Variants in RALGDS observed in about 807,000 individuals in gnomAD.
The protein encoded by RALGDS is ral guanine nucleotide dissociation stimulator, also known as ral guanine nucleotide exchange factor.
Under a neutral mutation model 99.8 loss-of-function variants are expected in RALGDS, and 44 were observed. The observed-to-expected ratio is 0.44, with a 90% confidence interval of 0.35 to 0.57. The LOEUF (loss-of-function observed/expected upper bound fraction) is 0.57. Among genes scored for constraint, RALGDS ranks in the 20% least tolerant of loss-of-function variants. RALGDS has a pLI of 0.01. For synonymous variants in RALGDS, 529 were observed against 505.0 expected (o/e 1.05, Z -0.64); for missense variants, 1,022 against 1,203.1 (o/e 0.85, Z 2.23).
At chr9:133,124,107 C>CAG (rs201225030), upstream of RALGDS, among the ~76,000 whole-genome samples, 119 of 112,492 alleles carry the variant, frequency 1.1e-3, 40 homozygotes, top group Admixed American at 1.7e-3. Flanking sequence ...GATGCACACA[C>CAG]AGACACACAC....
intron 1 of RALGDS, among the ~76,000 whole-genome samples, chr9:133,120,138 T>A (rs768757353): frequency 6.6e-6 from 1 of 152,094 alleles, no homozygotes; most frequent in Non-Finnish European, 1.5e-5. Flanking sequence ...CTCCCTCTGC[T>A]GTGTAGTCAG....
chr9:133,148,496 C>T (rs909219653), intron 1 of RALGDS, among the ~76,000 whole-genome samples: 2 of 152,192 alleles, frequency 1.3e-5, no homozygotes, highest in Non-Finnish European at 2.9e-5. Flanking sequence ...TCTTCTTTCC[C>T]CCAGTCACTT....
intron 9 of RALGDS, among the ~76,000 whole-genome samples, chr9:133,105,191 T>A (rs1301205671): frequency 2.0e-5 from 3 of 152,132 alleles, no homozygotes; most frequent in Non-Finnish European, 1.5e-5. Flanking sequence ...TGTAGGGAAC[T>A]CTGTGTGTGT....
In RALGDS at chr9:133,121,062, G is replaced by T; in HGVS notation, c.93C>A (p.Asp31Glu). ...GGACGCCCACCTCCAGGCGCACGGC[G>T]TCCCACACGCTGCGGCTCCGCCGGG... ...PGSRRSRSVW[D>E]AVRLEVGVPD... The change falls in exon 1 of 18, where the codon GAC (aspartate) becomes GAA (glutamate). Residue 31 changes from aspartate to glutamate, a missense_variant. Physicochemically the swap from Asp to Glu is conservative, Grantham distance 45. Transcript: ENST00000372050. The T allele has an allele frequency of 6.7e-7, 1 of 1,488,588 alleles. No homozygotes were observed. The highest frequency in any genetic ancestry group is 8.9e-7 in the Non-Finnish European group (1 of 1,125,736). 92.2% of individuals were successfully genotyped at this position (1,488,588 alleles called of 1,614,324 possible).
rs1484023324 is a variant in RALGDS, at chr9:133,129,519, G to A, written c.132+1433C>T. 3 of 1,190,124 alleles carry A rather than the reference G, an allele frequency of 2.5e-6. No homozygotes were observed. The East Asian group carries it at 9.3e-5, about 37-fold the overall frequency. The allele number at this position is 1,190,124 out of a possible 1,614,324, so 73.7% of individuals were successfully genotyped here. A position where few individuals can be genotyped will look rare whatever the true frequency, so the allele number is the denominator to read the frequency against. On this transcript the variant is annotated intron_variant, in intron 1 of 17. Transcript: ENST00000372062. ...GCCATGGGCCAGCCGAGGACGAGTG[G>A]AGAGGCTGCCCCAAGCTAGCCTAGC... is the stretch of plus-strand genomic sequence containing the variant.
At chr9:133,116,536 G>A (rs1831617178) in intron 1 of RALGDS, among the ~76,000 whole-genome samples, 2 of 152,254 alleles carry the variant, frequency 1.3e-5, no homozygotes, top group African/African-American at 2.4e-5. Flanking sequence ...CAGGGTCCCT[G>A]TCCACGCCCA....
chr9:133,136,657 C>T (rs1245083839), intron 1 of RALGDS, among the ~76,000 whole-genome samples: 1 of 152,198 alleles, frequency 6.6e-6, no homozygotes, highest in Non-Finnish European at 1.5e-5. Context: ...CCTGTAACCC[C>T]AGCTACTCGG....
At chr9:133,147,754 TTTG>T (rs2119282302) in intron 1 of RALGDS, among the ~76,000 whole-genome samples, 1 of 152,188 alleles carries the variant, frequency 6.6e-6, no homozygotes. Flanking sequence ...AACACACACC[TTTG>T]TTTGGGTGTT....
chr9:133,142,789 C>A (rs921066390), intron 1 of RALGDS, among the ~76,000 whole-genome samples: 1 of 152,224 alleles, frequency 6.6e-6, no homozygotes, highest in Non-Finnish European at 1.5e-5. Flanking sequence ...CCGCCATTAA[C>A]CACCACTTGG....
At chr9:133,130,896 A>C in intron 1 of RALGDS, 1 of 1,468,854 alleles carries the variant, frequency 6.8e-7, no homozygotes, top group Non-Finnish European at 9.2e-7. Flanking sequence ...CCCAACCCCA[A>C]AGCCCAGAGA....
intron 1 of RALGDS, among the ~76,000 whole-genome samples, chr9:133,117,269 TC>T (rs1270229063): frequency 1.3e-5 from 2 of 152,238 alleles, no homozygotes; most frequent in Non-Finnish European, 2.9e-5. Context: ...AGAGCTGGCA[TC>T]ATGTCCATTT....
chr9:133,104,188 G>A (rs1414389507), intron 10 of RALGDS, 75 bp downstream of exon 10: 2 of 1,464,604 alleles, frequency 1.4e-6, no homozygotes, highest in African/African-American at 1.4e-5. Context: ...TAGGCACCGT[G>A]GCTAGAGAGG....
intron 1 of RALGDS, among the ~76,000 whole-genome samples, chr9:133,143,776 AC>A (rs1231043193): frequency 1.9e-5 from 2 of 103,216 alleles, no homozygotes; most frequent in South Asian, 3.0e-4. Context: ...AATAATAACA[AC>A]AACAACAACA....
At chr9:133,106,255 GAC>G (rs1831048679) in intron 8 of RALGDS, among the ~76,000 whole-genome samples, 1 of 151,870 alleles carries the variant, frequency 6.6e-6, no homozygotes, top group South Asian at 2.1e-4. Context: ...TTTTTTTGGA[GAC>G]AGTTTCAGTC....
In RALGDS at chr9:133,100,900, G is replaced by C. The variant is rs565235161; in HGVS notation, c.2455-518C>G. 1.5e-4 allele frequency: 159 copies of C among 1,044,956 alleles called. No individual in the cohort carries two copies. In the African/African-American group the frequency reaches 2.3e-3, roughly 15 times the overall value. The allele number at this position is 1,044,956 out of a possible 1,614,324, so 64.7% of individuals were successfully genotyped here. On this transcript the variant is annotated intron_variant, in intron 16 of 17. Transcript: ENST00000372050. Reference sequence around the variant, plus strand: ...GACAACCATGCTAGCTCCTGGCAATGAGGGGTCAGGAGCGTGTGTGAATAA... The same window carrying C: ...GACAACCATGCTAGCTCCTGGCAATCAGGGGTCAGGAGCGTGTGTGAATAA...
At chr9:133,138,310 G>C (rs1016587751) in intron 1 of RALGDS, among the ~76,000 whole-genome samples, 8 of 152,186 alleles carry the variant, frequency 5.3e-5, no homozygotes, top group African/African-American at 1.9e-4. Flanking sequence ...CCACCCTCCT[G>C]CCACCCACTG....
At chr9:133,136,094 C>T (rs1310978974), upstream of RALGDS, among the ~76,000 whole-genome samples, 3 of 152,172 alleles carry the variant, frequency 2.0e-5, no homozygotes, top group African/African-American at 7.2e-5. Flanking sequence ...ATTTACTGAA[C>T]ACCTACTAGG....
intron 9 of RALGDS, among the ~76,000 whole-genome samples, chr9:133,104,947 T>C (rs1245065600): frequency 6.6e-6 from 1 of 152,172 alleles, no homozygotes; most frequent in African/African-American, 2.4e-5. Context: ...TCCTCCATTT[T>C]CTAGATGAGG....
chr9:133,101,580 G>A lies in RALGDS; in HGVS notation c.2394C>T (p.Asp798=). The A allele has an allele frequency of 1.2e-6, 2 of 1,612,702 alleles. No individual in the cohort carries two copies. The highest frequency in any genetic ancestry group is 1.7e-6 in the Non-Finnish European group (2 of 1,180,028). ...CCAGGCTGACGCGGATGATACAGCA[G>A]TCGCCCACCTGCTGGTTGTAGAGCG... ...ALPLYNQQVG[D]CCIIRVSLDV... is the part of the protein sequence containing the mutation. The change falls in exon 16 of 18, where the codon GAC becomes GAT. Residue 798 remains aspartate, a synonymous_variant. Transcript: ENST00000372050.
Sources: allele counts gnomAD v4.1 joint callset (sites outside exome capture counted in the v4.1 genomes callset), GRCh38; gene constraint gnomAD v4.1.1; transcripts MANE v1.5; gene names NCBI Gene and HGNC (gene_info 2026-07-23, HGNC 2026-07-21).